Variants in MAK observed in about 807,000 individuals in gnomAD.
MAK encodes the protein serine/threonine-protein kinase MAK.
MAK carries 65 observed loss-of-function variants against 82.6 expected under a neutral mutation model. The ratio of observed to expected loss-of-function variants is 0.79; its 90% confidence interval spans 0.64 to 0.97. MAK has a LOEUF of 0.97. MAK is among the 50% of genes least tolerant of loss of function. The pLI, the probability that MAK is intolerant of heterozygous loss-of-function variation, is 0.00. For missense variants in MAK, 703 were observed against 780.2 expected (o/e 0.90, Z 1.18); for synonymous variants, 250 against 274.2 (o/e 0.91, Z 0.87).
In MAK at chr6:10,818,879, A is replaced by G; in HGVS notation, c.156+7T>C. The stretch of plus-strand genomic sequence containing the variant: ...TTCTCAGGTTCTTTTCATCTTTAGG[A>G]TTTTACCTTAACTTCTCTCAAGTTC... On this transcript the variant is annotated splice_region_variant and intron_variant, in intron 3 of 14. Transcript: ENST00000354489. 1 of 1,542,900 alleles carries G rather than the reference A, an allele frequency of 6.5e-7. No individual in the cohort carries two copies. Among genetic ancestry groups the G allele is most frequent in the Non-Finnish European group, 9.0e-7 (1 of 1,116,634 alleles).
At chr6:10,769,972 G>A (rs2127510831) in intron 14 of MAK, 139 bp downstream of exon 14, 2 of 1,511,764 alleles carry the variant, frequency 1.3e-6, no homozygotes, top group South Asian at 1.2e-5. Flanking sequence ...GGACATTTCG[G>A]TAAAAACAAA....
At chr6:10,805,366 T>A (rs748304535) in intron 6 of MAK, among the ~76,000 whole-genome samples, 2 of 151,988 alleles carry the variant, frequency 1.3e-5, no homozygotes, top group Non-Finnish European at 2.9e-5. Flanking sequence ...GGCGGGTGAA[T>A]CATGAGGTCA....
At chr6:10,791,026 C>T (rs1423639060) in intron 10 of MAK, among the ~76,000 whole-genome samples, 1 of 152,116 alleles carries the variant, frequency 6.6e-6, no homozygotes, top group Non-Finnish European at 1.5e-5. Flanking sequence ...TTCCAAAAGC[C>T]CTCACCAGAA....
intron 1 of MAK, among the ~76,000 whole-genome samples, chr6:10,832,831 G>A (rs1778906670): frequency 6.6e-6 from 1 of 152,084 alleles, no homozygotes; most frequent in Non-Finnish European, 1.5e-5. Context: ...AGGTATGTAT[G>A]TTATTTTTTC....
intron 8 of MAK, among the ~76,000 whole-genome samples, chr6:10,798,430 A>G (rs1452816317): frequency 1.3e-5 from 2 of 152,074 alleles, no homozygotes; most frequent in Non-Finnish European, 2.9e-5. Context: ...CCCTTTTAAG[A>G]TACTTTAAGA....
chr6:10,784,381 C>T, intron 11 of MAK, 43 bp downstream of exon 11: 1 of 1,609,052 alleles, frequency 6.2e-7, no homozygotes. Flanking sequence ...CCTGACCTAT[C>T]TATACTCTAG....
intron 13 of MAK, among the ~76,000 whole-genome samples, 197 bp from the exon 14 acceptor site, chr6:10,770,427 C>T (rs758158085): frequency 8.5e-5 from 13 of 152,156 alleles, no homozygotes; most frequent in Non-Finnish European, 1.2e-4. Flanking sequence ...GTATCCATAT[C>T]GTGTGGCTCT....
At chr6:10,788,504 G>C (rs1459766434) in intron 10 of MAK, among the ~76,000 whole-genome samples, 5 of 152,156 alleles carry the variant, frequency 3.3e-5, no homozygotes, top group Non-Finnish European at 5.9e-5. Flanking sequence ...GGCCGAGGCA[G>C]GTGGATCACC....
At chr6:10,802,095 C>A in intron 7 of MAK, 36 bp from the exon 8 acceptor site, 1 of 1,578,818 alleles carries the variant, frequency 6.3e-7, no homozygotes, top group Non-Finnish European at 8.7e-7. Flanking sequence ...GTGGGGAGGG[C>A]AAAACAAATT....
At chr6:10,783,858 A>C (rs1364796140) in intron 11 of MAK, among the ~76,000 whole-genome samples, 1 of 152,164 alleles carries the variant, frequency 6.6e-6, no homozygotes, top group Non-Finnish European at 1.5e-5. Flanking sequence ...ATCTCTACTA[A>C]AAATGCAAAA....
chr6:10,787,858 C>CA (rs56983445), intron 10 of MAK, among the ~76,000 whole-genome samples: 56 of 129,866 alleles, frequency 4.3e-4, no homozygotes, highest in Non-Finnish European at 4.1e-4. Context: ...GAGACTGTCT[C>CA]AAAAAAAAAA....
At chr6:10,781,069 T>A (rs1414863258) in intron 11 of MAK, among the ~76,000 whole-genome samples, 1 of 152,130 alleles carries the variant, frequency 6.6e-6, no homozygotes, top group Non-Finnish European at 1.5e-5. Context: ...TACTAGTTCC[T>A]CCTCTGTAAG....
chr6:10,820,024 A>C (rs1777803899), intron 2 of MAK, among the ~76,000 whole-genome samples: 1 of 151,978 alleles, frequency 6.6e-6, no homozygotes, highest in Non-Finnish European at 1.5e-5. Context: ...AGGCAGGAGA[A>C]GGGCGTGAAC....
At chr6:10,803,587 T>G in intron 7 of MAK, 133 bp downstream of exon 7, 1 of 707,686 alleles carries the variant, frequency 1.4e-6, no homozygotes, top group East Asian at 2.7e-5. Flanking sequence ...CATTAAAGTA[T>G]GAGCCTATTT....
chr6:10,784,618 G>A lies in MAK; in HGVS notation c.1317-46C>T, dbSNP rs752406438. The A allele has an allele frequency of 1.3e-5, 17 of 1,335,750 alleles. No individual in the cohort carries two copies. In the South Asian group the frequency reaches 1.6e-4, roughly 13 times the overall value. The allele number at this position is 1,335,750 out of a possible 1,614,324, so 82.7% of individuals were successfully genotyped here. ...AGCATTACAGCACGAACAACGAGAG[G>A]ATCTCGCCCACCCTCTGCACATCTC... On this transcript the variant is annotated intron_variant, in intron 10 of 14. Transcript: ENST00000354489.
Position 10,810,701 on chromosome 6 carries a change from G to A in MAK, c.359-1759C>T, listed in dbSNP as rs986864940. On this transcript the variant is annotated intron_variant, in intron 5 of 14. Coordinates refer to ENST00000354489, the MANE Select transcript of MAK (RefSeq NM_001242957.3). ...TCACTTCAAAGCCAGAGTGGGCTCT[G>A]TTTGTGACATCTGTTTAACAGTTTT... Among the ~76,000 whole-genome samples the A allele has an allele frequency of 3.9e-5, 6 of 152,146 alleles. No homozygotes were observed. In the East Asian group the frequency reaches 9.6e-4, roughly 24 times the overall value.
chr6:10,834,223 G>C (rs192626036), intron 1 of MAK, among the ~76,000 whole-genome samples: 47 of 152,178 alleles, frequency 3.1e-4, no homozygotes, highest in African/African-American at 1.1e-3. Flanking sequence ...GTGATCTCTA[G>C]GTTTACTGAT....
rs1216266844 is a variant in MAK, at chr6:10,763,748, G to C, written c.*704C>G. 1 of 152,152 alleles carries C rather than the reference G, an allele frequency of 6.6e-6. No individual in the cohort carries two copies. Among genetic ancestry groups the C allele is most frequent in the Non-Finnish European group, 1.5e-5 (1 of 68,248 alleles). The allele number at this position is 152,152 out of a possible 1,614,324, so 9.4% of individuals were successfully genotyped here. On this transcript the variant is annotated 3_prime_UTR_variant, in exon 15 of 15. Coordinates refer to ENST00000354489, the MANE Select transcript of MAK (RefSeq NM_001242957.3). ...CGCCTCTAATCCCAGCTACTCGGGAGGCTGAGGCAGGAGAATCACTTGAAC... is the reference window on the plus strand; with the variant it reads ...CGCCTCTAATCCCAGCTACTCGGGACGCTGAGGCAGGAGAATCACTTGAAC...
At chr6:10,778,645 A>G (rs1773670451) in intron 11 of MAK, among the ~76,000 whole-genome samples, 2 of 152,026 alleles carry the variant, frequency 1.3e-5, no homozygotes, top group Non-Finnish European at 1.5e-5. Flanking sequence ...CAGCAAGAAC[A>G]CGGGGTGGTA....
Sources: allele counts gnomAD v4.1 joint callset (sites outside exome capture counted in the v4.1 genomes callset), GRCh38; gene constraint gnomAD v4.1.1; transcripts MANE v1.5; gene names NCBI Gene and HGNC (gene_info 2026-07-23, HGNC 2026-07-21).